Variants in GPC5 observed in about 807,000 individuals in gnomAD.
The protein encoded by GPC5 is glypican 5, also known as glypican-5.
Under a neutral mutation model 53.9 loss-of-function variants are expected in GPC5, and 47 were observed. The ratio of observed to expected loss-of-function variants is 0.87; its 90% CI spans 0.69 to 1.11. GPC5 has a LOEUF of 1.11. Ranked by LOEUF, GPC5 falls within the 50% of genes most tolerant of loss-of-function variation. The pLI, the probability that GPC5 is intolerant of heterozygous loss-of-function variation, is 0.00. For missense variants in GPC5, 748 were observed against 713.1 expected (o/e 1.05, Z -0.56); for synonymous variants, 286 against 263.3 (o/e 1.09, Z -0.84).
chr13:92,280,081 C>G (rs1431034961), intron 7 of GPC5, among the ~76,000 whole-genome samples: 1 of 151,960 alleles, frequency 6.6e-6, no homozygotes, highest in Non-Finnish European at 1.5e-5. Flanking sequence ...AGTTTTTCTA[C>G]TGATATTTCT....
chr13:92,237,801 A>G (rs2042581280), intron 7 of GPC5, among the ~76,000 whole-genome samples: 1 of 152,126 alleles, frequency 6.6e-6, no homozygotes, highest in Admixed American at 6.5e-5. Context: ...TAAAGAAACA[A>G]CTTGCCCATT....
Position 91,756,397 on chromosome 13 carries a change from G to T in GPC5, c.1257G>T (p.Trp419Cys). The T allele has an allele frequency of 1.3e-6, 2 of 1,593,722 alleles. No homozygotes were observed. Among genetic ancestry groups the T allele is most frequent in the Non-Finnish European group, 1.7e-6 (2 of 1,165,526 alleles). ...CTGCTGCAGATGGACTTCCCTGCTG[G>T]AATGGAGAAGATATAGTAAAAAGGT... The part of the protein sequence containing the change: ...ELAAADGLPC[W>C]NGEDIVKSYT... The change falls in exon 5 of 8, where the codon TGG becomes TGT. Residue 419 changes from tryptophan (W) to cysteine (C), a missense_variant. Physicochemically the swap from Trp to Cys is radical, Grantham distance 215 (BLOSUM62 -2). Coordinates refer to ENST00000377067, the MANE Select transcript of GPC5 (RefSeq NM_004466.6).
intron 4 of GPC5, among the ~76,000 whole-genome samples, chr13:91,754,944 C>A (rs1014873474): frequency 5.3e-5 from 8 of 152,030 alleles, no homozygotes; most frequent in African/African-American, 1.7e-4. Context: ...GCTAAAAACT[C>A]GTTTAAATAC....
intron 6 of GPC5, chr13:91,995,549 C>T (rs1025735556): frequency 6.6e-6 from 1 of 152,102 alleles, no homozygotes; most frequent in Non-Finnish European, 1.5e-5. Context: ...AAAATAATAG[C>T]ACTTTACCCA....
At chr13:92,706,440 A>G (rs79027012) in intron 7 of GPC5, among the ~76,000 whole-genome samples, 2 of 152,078 alleles carry the variant, frequency 1.3e-5, no homozygotes, top group Non-Finnish European at 2.9e-5. Context: ...TTTCCACCAG[A>G]AAAAAAGTTT....
intron 7 of GPC5, among the ~76,000 whole-genome samples, chr13:92,834,322 G>T (rs183584621): frequency 2.6e-5 from 4 of 152,104 alleles, no homozygotes; most frequent in African/African-American, 9.6e-5. Context: ...TTAAAAAATG[G>T]TAATTTATAA....
chr13:92,103,760 G>A (rs1451308324), intron 6 of GPC5, among the ~76,000 whole-genome samples: 1 of 152,106 alleles, frequency 6.6e-6, no homozygotes, highest in Non-Finnish European at 1.5e-5. Context: ...CATTCCTAAG[G>A]CAGTTTACAA....
intron 2 of GPC5, among the ~76,000 whole-genome samples, chr13:91,689,176 CATATATAAATATATATATATATATAT>C (rs1333196825): frequency 1.7e-5 from 1 of 59,010 alleles, no homozygotes; most frequent in Non-Finnish European, 3.4e-5. Context: ...CTCAAAAAAT[CATATATAAATATATATATATATATAT>C]ATATATATAT....
At chr13:92,565,174 C>T (rs1415313603) in intron 7 of GPC5, among the ~76,000 whole-genome samples, 11 of 151,910 alleles carry the variant, frequency 7.2e-5, no homozygotes, top group East Asian at 3.9e-4. Context: ...TTAAAGAATA[C>T]GTAAATATTT....
intron 2 of GPC5, among the ~76,000 whole-genome samples, chr13:91,628,508 CTCTA>C (rs76410314): frequency 4.1e-5 from 5 of 123,056 alleles, no homozygotes; most frequent in South Asian, 4.8e-4. Flanking sequence ...CTGTCTATCT[CTCTA>C]TCTATCTGTC....
intron 7 of GPC5, among the ~76,000 whole-genome samples, chr13:92,338,993 A>G (rs528743205): frequency 1.1e-4 from 16 of 152,038 alleles, no homozygotes; most frequent in Non-Finnish European, 1.8e-4. Context: ...GGCAGGAGGT[A>G]TGTGGGAAAT....
chr13:92,272,000 T>C (rs1355722777), intron 7 of GPC5, among the ~76,000 whole-genome samples: 1 of 152,158 alleles, frequency 6.6e-6, no homozygotes, highest in African/African-American at 2.4e-5. Context: ...ATTGTTTATT[T>C]TGGGGCTCAA....
At chr13:92,110,165 A>C (rs1457123135) in intron 6 of GPC5, among the ~76,000 whole-genome samples, 1 of 152,148 alleles carries the variant, frequency 6.6e-6, no homozygotes, top group Non-Finnish European at 1.5e-5. Flanking sequence ...AATAGGGAAA[A>C]ACACAGGATT....
chr13:92,515,761 T>G (rs959314687), intron 7 of GPC5, among the ~76,000 whole-genome samples: 1 of 152,192 alleles, frequency 6.6e-6, no homozygotes, highest in African/African-American at 2.4e-5. Flanking sequence ...AATTATTGGT[T>G]TTTTGTGTTC....
At chr13:91,754,075 A>G (rs2037236741) in intron 4 of GPC5, among the ~76,000 whole-genome samples, 3 of 152,326 alleles carry the variant, frequency 2.0e-5, no homozygotes, top group Non-Finnish European at 4.4e-5. Context: ...CAGAATAAAT[A>G]TAGGCAAAGG....
intron 7 of GPC5, among the ~76,000 whole-genome samples, chr13:92,847,891 A>G (rs1191471145): frequency 1.2e-4 from 18 of 152,170 alleles, no homozygotes; most frequent in Non-Finnish European, 2.5e-4. Context: ...CAGGTGATTA[A>G]CTTTGTAGTA....
chr13:92,378,393 C>A (rs1283940052), intron 7 of GPC5, among the ~76,000 whole-genome samples: 1 of 152,204 alleles, frequency 6.6e-6, no homozygotes, highest in Non-Finnish European at 1.5e-5. Context: ...TGGAATTACT[C>A]TTCACATATC....
At chr13:91,677,187 G>A (rs369271046) in intron 2 of GPC5, among the ~76,000 whole-genome samples, 4 of 152,154 alleles carry the variant, frequency 2.6e-5, no homozygotes, top group African/African-American at 9.7e-5. Context: ...GAAAGAAAAA[G>A]GGAATCATAA....
intron 7 of GPC5, among the ~76,000 whole-genome samples, chr13:92,437,888 C>A (rs1267395279): frequency 2.0e-5 from 3 of 152,096 alleles, no homozygotes; most frequent in African/African-American, 7.2e-5. Flanking sequence ...CTCTCCTCTA[C>A]AATAAGCTAG....
Sources: allele counts gnomAD v4.1 joint callset (sites outside exome capture counted in the v4.1 genomes callset), GRCh38; gene constraint gnomAD v4.1.1; transcripts MANE v1.5; gene names NCBI Gene and HGNC (gene_info 2026-07-23, HGNC 2026-07-21).